NAXE: variants seen among roughly 807,000 people sequenced by gnomAD.
NAXE encodes NAD(P)H-hydrate epimerase.
In NAXE, 25 loss-of-function variants were observed where a neutral mutation model predicts 31.2. The observed-to-expected ratio is 0.80, with a 90% CI of 0.58 to 1.12. The LOEUF (loss-of-function observed/expected upper bound fraction) is 1.12. NAXE is among the 50% of genes most tolerant of loss of function. NAXE has a pLI of 0.00. For synonymous variants in NAXE, 144 were observed against 154.5 expected, an observed-to-expected ratio of 0.93 and a Z score of 0.50; for missense variants, 362 against 376.1, an observed-to-expected ratio of 0.96 and a Z score of 0.31.
rs939906268 is a variant in NAXE, at chr1:156,594,161, C to T, written c.*77C>T. On this transcript the variant is annotated 3_prime_UTR_variant, in exon 6 of 6. Coordinates refer to ENST00000368235, the MANE Select transcript of NAXE (RefSeq NM_144772.3). ...CAGAACTGTGGATTCCTGGGAGCTC[C>T]TCTGGCAATAAAAGTCAGTGAATGG... The T allele has an allele frequency of 2.7e-6, 4 of 1,490,986 alleles. No homozygotes were observed. Among genetic ancestry groups the T allele is most frequent in the Non-Finnish European group, 3.7e-6 (4 of 1,081,750 alleles). 92.4% of individuals were successfully genotyped at this position (1,490,986 alleles called of 1,614,324 possible).
At chr1:156,593,800 C>T (rs1360349726) in intron 5 of NAXE, 82 bp from the exon 6 acceptor site, 3 of 1,495,624 alleles carry the variant, frequency 2.0e-6, no homozygotes, top group East Asian at 4.5e-5. Flanking sequence ...GGGGACTTCC[C>T]ACTCCTCTGG....
chr1:156,592,612 C>T lies in NAXE; in HGVS notation c.458C>T (p.Ala153Val). ...AGGCCTAACAAGCCCCTCTTCACTGCATTGGTGACCCAGTGTCAGAAAATG... is the reference window on the plus strand; with the variant it reads ...AGGCCTAACAAGCCCCTCTTCACTGTATTGGTGACCCAGTGTCAGAAAATG... ...PKRPNKPLFT[A>V]LVTQCQKMDI... The change falls in exon 4 of 6, where the codon GCA becomes GTA. Residue 153 changes from alanine to valine, a missense_variant. By Grantham distance (64) the Ala-to-Val change is moderately conservative (BLOSUM62 0). Coordinates refer to ENST00000368235, the MANE Select transcript of NAXE (RefSeq NM_144772.3). 1 of 1,614,194 alleles carries T rather than the reference C, an allele frequency of 6.2e-7. No homozygotes were observed. Among genetic ancestry groups the T allele is most frequent in the Non-Finnish European group, 8.5e-7 (1 of 1,180,032 alleles).
At chr1:156,593,706 CCTTTA>C (rs1295248963) in intron 5 of NAXE, 151 bp downstream of exon 5, 1 of 1,351,264 alleles carries the variant, frequency 7.4e-7, no homozygotes, top group Non-Finnish European at 1.0e-6. Flanking sequence ...TCAGAAGTCC[CCTTTA>C]CATGTTGGCC....
Position 156,592,615 on chromosome 1 carries a change from T to C in NAXE, c.461T>C (p.Leu154Ser). The C allele has an allele frequency of 6.2e-7, 1 of 1,614,164 alleles. No individual in the cohort carries two copies. The highest frequency in any genetic ancestry group is 1.7e-5 in the Admixed American group (1 of 60,016). The change falls in exon 4 of 6, where the codon TTG (leucine) becomes TCG (serine). Residue 154 changes from leucine (L) to serine (S), a missense_variant. Physicochemically the swap from Leu to Ser is moderately radical, Grantham distance 145. Coordinates refer to ENST00000368235, the MANE Select transcript of NAXE (RefSeq NM_144772.3). ...KRPNKPLFTA[L>S]VTQCQKMDIP... ...CCTAACAAGCCCCTCTTCACTGCAT[T>C]GGTGACCCAGTGTCAGAAAATGGAC... is the stretch of plus-strand genomic sequence containing the variant.
intron 5 of NAXE, 156 bp from the exon 6 acceptor site, chr1:156,593,726 G>T: frequency 7.6e-7 from 1 of 1,323,602 alleles, no homozygotes. Context: ...TTGGCCCCAT[G>T]AAGAGACCAC....
At position 156,593,592 on chromosome 1, in the gene NAXE, G is replaced by C. The variant is rs760786803; in HGVS notation, c.664+37G>C. The C allele has an allele frequency of 5.0e-6, 8 of 1,613,342 alleles. No individual in the cohort carries two copies. The South Asian group carries it at 8.8e-5, about 18-fold the overall frequency. On this transcript the variant is annotated intron_variant, in intron 5 of 5. Coordinates refer to ENST00000368235, the MANE Select transcript of NAXE (RefSeq NM_144772.3). ...CAGAAGGTGGGGTGGGGGAGATTGG[G>C]GCCCTACCCTCCTGACTCTTGCCCA...
intron 5 of NAXE, 81 bp downstream of exon 5, chr1:156,593,636 T>C (rs781142803): frequency 3.4e-5 from 54 of 1,578,996 alleles, no homozygotes; most frequent in Non-Finnish European, 4.7e-5. Flanking sequence ...CTAAAATAAT[T>C]TTAGTCTAGA....
intron 4 of NAXE, 64 bp downstream of exon 4, chr1:156,592,734 T>A: frequency 6.9e-7 from 1 of 1,447,742 alleles, no homozygotes. Flanking sequence ...TGCTCTTCCT[T>A]CGTGTTTCCA....
chr1:156,593,635 T>C (rs1677406567), intron 5 of NAXE, 80 bp downstream of exon 5: 2 of 1,579,624 alleles, frequency 1.3e-6, no homozygotes, highest in African/African-American at 2.7e-5. Context: ...TCTAAAATAA[T>C]TTTAGTCTAG....
At position 156,592,608 on chromosome 1, in the gene NAXE, A is replaced by C; in HGVS notation, c.454A>C (p.Thr152Pro). The C allele has an allele frequency of 6.2e-7, 1 of 1,614,112 alleles. No individual in the cohort carries two copies. Among genetic ancestry groups the C allele is most frequent in the Middle Eastern group, 1.6e-4 (1 of 6,062 alleles). The part of the protein sequence containing the change: ...YPKRPNKPLF[T>P]ALVTQCQKMD... Reference sequence around the variant, plus strand: ...CAAAAGGCCTAACAAGCCCCTCTTCACTGCATTGGTGACCCAGTGTCAGAA... The same window carrying C: ...CAAAAGGCCTAACAAGCCCCTCTTCCCTGCATTGGTGACCCAGTGTCAGAA... Residue 152 changes from threonine to proline, a missense_variant, in exon 4 of 6, where the codon ACT (threonine) becomes CCT (proline). Physicochemically the swap from Thr to Pro is conservative, Grantham distance 38 (BLOSUM62 -1). Transcript: ENST00000368235.
Position 156,592,624 on chromosome 1 carries a change from AGT to A in NAXE, c.473_474del (p.Cys158SerfsTer19). Reference sequence around the variant, plus strand: ...CCCCTCTTCACTGCATTGGTGACCCAGTGTCAGAAAATGGACATCCCTTTCCT... The same window carrying A: ...CCCCTCTTCACTGCATTGGTGACCCAGTCAGAAAATGGACATCCCTTTCCT... On this transcript the variant is annotated frameshift_variant, in exon 4 of 6. Transcript: ENST00000368235. LOFTEE classifies it high-confidence loss of function. The A allele has an allele frequency of 6.2e-7, 1 of 1,614,186 alleles. No homozygotes were observed. The highest frequency in any genetic ancestry group is 8.5e-7 in the Non-Finnish European group (1 of 1,180,022).
intron 1 of NAXE, 33 bp downstream of exon 1, chr1:156,592,019 C>G (rs754473448): frequency 1.2e-6 from 2 of 1,613,468 alleles, no homozygotes; most frequent in South Asian, 2.2e-5. Context: ...CTGCTCTGCC[C>G]CGGGGCGGGG....
At position 156,594,165 on chromosome 1, in the gene NAXE, G is replaced by A. The variant is rs1170220339; in HGVS notation, c.*81G>A. Reference sequence around the variant, plus strand: ...ACTGTGGATTCCTGGGAGCTCCTCTGGCAATAAAAGTCAGTGAATGGTGGA... The same window carrying A: ...ACTGTGGATTCCTGGGAGCTCCTCTAGCAATAAAAGTCAGTGAATGGTGGA... On this transcript the variant is annotated 3_prime_UTR_variant, in exon 6 of 6. Transcript: ENST00000368235. 5.5e-6 allele frequency: 8 copies of A among 1,459,432 alleles called. No individual in the cohort carries two copies. The highest frequency in any genetic ancestry group is 6.6e-6 in the Non-Finnish European group (7 of 1,056,388). 90.4% of individuals were successfully genotyped at this position (1,459,432 alleles called of 1,614,324 possible). A position where few individuals can be genotyped will look rare whatever the true frequency, so the allele number is the denominator to read the frequency against.
rs1326719490 is a variant in NAXE at position 156,594,245 on chromosome 1, G to A, written c.*161G>A. 3.0e-5 allele frequency: 20 copies of A among 676,518 alleles called. No individual in the cohort carries two copies. Among genetic ancestry groups the A allele is most frequent in the Non-Finnish European group, 4.7e-5 (19 of 402,644 alleles). 41.9% of individuals were successfully genotyped at this position (676,518 alleles called of 1,614,324 possible). A position where few individuals can be genotyped will look rare whatever the true frequency, so the allele number is the denominator to read the frequency against. On this transcript the variant is annotated 3_prime_UTR_variant, in exon 6 of 6. Transcript: ENST00000368235. ...CCATCTCTCTAGGGGTAACACAAAGGGCAAGAGGTTGCTATGGTATTTGGA... is the reference window on the plus strand; with the variant it reads ...CCATCTCTCTAGGGGTAACACAAAGAGCAAGAGGTTGCTATGGTATTTGGA...
chr1:156,592,019 C>CCGGGG (rs771898263), intron 1 of NAXE, 33 bp downstream of exon 1: 1 of 1,613,468 alleles, frequency 6.2e-7, no homozygotes, highest in Non-Finnish European at 8.5e-7. Flanking sequence ...CTGCTCTGCC[C>CCGGGG]CGGGGCGGGG....
In NAXE at chr1:156,594,071, A is replaced by G. The variant is rs1031249365; in HGVS notation, c.854A>G (p.Tyr285Cys). 3 of 1,613,914 alleles carry G rather than the reference A, an allele frequency of 1.9e-6. No homozygotes were observed. The highest frequency in any genetic ancestry group is 1.7e-6 in the Non-Finnish European group (2 of 1,179,942). ...CCCTACCCTGACACCGAGTGTGTCT[A>G]TCGTCTGCAGTGAGGGAAGGTGGGT... ...LPPYPDTECV[Y>C]RLQ The change falls in exon 6 of 6, where the codon TAT (tyrosine) becomes TGT (cysteine). Residue 285 changes from tyrosine to cysteine, a missense_variant. Transcript: ENST00000368235.
rs368319069 is a variant in NAXE at position 156,593,450 on chromosome 1, A to G, written c.559A>G (p.Ile187Val). The change falls in exon 5 of 6, where the codon ATC becomes GTC. Residue 187 changes from isoleucine to valine, a missense_variant. Physicochemically the swap from Ile to Val is conservative, Grantham distance 29. Coordinates refer to ENST00000368235, the MANE Select transcript of NAXE (RefSeq NM_144772.3). ...ACTGTATGAGCTGGTGGTGGATGCC[A>G]TCTTTGGCTTCAGCTTCAAGGGCGA... Reference protein sequence around the residue: ...DELYELVVDAIFGFSFKGDVR... With the variant: ...DELYELVVDAVFGFSFKGDVR... 4.3e-5 allele frequency: 70 copies of G among 1,613,942 alleles called. No individual in the cohort carries two copies. Among genetic ancestry groups the G allele is most frequent in the Non-Finnish European group, 5.3e-5 (62 of 1,179,982 alleles).
In NAXE at chr1:156,591,851, G is replaced by T; in HGVS notation, c.47G>T (p.Gly16Val). The T allele has an allele frequency of 6.2e-7, 1 of 1,610,364 alleles. No individual in the cohort carries two copies. Among genetic ancestry groups the T allele is most frequent in the South Asian group, 1.1e-5 (1 of 91,016 alleles). ...ALLGLGLLVA[G>V]SRVPRIKSQT... ...CTGGGCCTCGGGCTGCTGGTTGCGG[G>T]CTCGCGCGTGCCGCGGATCAAAAGC... Residue 16 changes from glycine (G) to valine (V), a missense_variant, in exon 1 of 6, where the codon GGC becomes GTC. Coordinates refer to ENST00000368235, the MANE Select transcript of NAXE (RefSeq NM_144772.3).
At chr1:156,592,304 G>A in intron 2 of NAXE, 61 bp from the exon 3 acceptor site, 4 of 1,602,438 alleles carry the variant, frequency 2.5e-6, no homozygotes, top group Non-Finnish European at 3.4e-6. Context: ...AGAGACAGCT[G>A]GGCCAATATG....
Sources: gnomAD v4.1 joint callset for allele counts on GRCh38, gnomAD v4.1.1 for gene constraint, MANE v1.5 for transcripts, NCBI Gene and HGNC (gene_info 2026-07-23, HGNC 2026-07-21) for gene names.